CACNA2D1: variants seen among roughly 807,000 people sequenced by gnomAD.
The protein encoded by CACNA2D1 is voltage-dependent calcium channel subunit alpha-2/delta-1.
A neutral mutation model predicts 171.5 loss-of-function variants in CACNA2D1; 53 were observed. That is an observed-to-expected ratio of 0.31 (90% CI 0.25 to 0.39). CACNA2D1 has a LOEUF of 0.39. Among genes scored for constraint, CACNA2D1 ranks in the 10% least tolerant of loss-of-function variants. The pLI, the probability that CACNA2D1 is intolerant of heterozygous loss-of-function variation, is 1.00. For missense variants in CACNA2D1, 903 were observed against 1,299.8 expected (o/e 0.69, Z 4.69); for synonymous variants, 442 against 443.1 (o/e 1.00, Z 0.03).
At chr7:82,425,508 T>C (rs1829090926) in intron 1 of CACNA2D1, among the ~76,000 whole-genome samples, 3 of 151,596 alleles carry the variant, frequency 2.0e-5, no homozygotes, top group African/African-American at 7.3e-5. Flanking sequence ...AATAAATAAA[T>C]TTACATTACC....
rs139258325 is a variant in CACNA2D1 at position 82,156,607 on chromosome 7, C to A, written c.354+13943G>T. 1.6e-3 allele frequency among the ~76,000 whole-genome samples: 241 copies of A among 150,572 alleles called. 3 individuals are homozygous for A. Among genetic ancestry groups the A allele is most frequent in the African/African-American group, 5.5e-3 (227 of 41,044 alleles). ...ATCTTTAAAAGTATATAAATAAGAA[C>A]TATAATTTTAGTATAATAGTAAATA... On this transcript the variant is annotated intron_variant, in intron 4 of 38. Transcript: ENST00000356860.
chr7:82,107,360 G>A (rs1195717010), intron 6 of CACNA2D1, among the ~76,000 whole-genome samples: 1 of 151,998 alleles, frequency 6.6e-6, no homozygotes, highest in East Asian at 1.9e-4. Flanking sequence ...TAGCTACAAG[G>A]CCCGCCATCT....
At chr7:82,147,132 T>C (rs1385616310) in intron 4 of CACNA2D1, among the ~76,000 whole-genome samples, 1 of 149,938 alleles carries the variant, frequency 6.7e-6, no homozygotes, top group African/African-American at 2.5e-5. Context: ...CTCGAATAAG[T>C]TAAAAGGTAG....
rs185672887 is a variant in CACNA2D1 at position 82,226,588 on chromosome 7, G to A, written c.295-55979C>T. The stretch of plus-strand genomic sequence containing the variant: ...ATTGAGCCACAGAACCATTGGTGTC[G>A]GCCTCCTGAGTACAGAAGAGGAGGG... On this transcript the variant is annotated intron_variant, in intron 3 of 38. Transcript: ENST00000356860. 4.3e-4 allele frequency among the ~76,000 whole-genome samples: 66 copies of A among 152,146 alleles called. 1 individual carries two copies. The highest frequency in any genetic ancestry group is 3.2e-3 in the Admixed American group (49 of 15,260).
intron 20 of CACNA2D1, 48 bp from the exon 21 acceptor site, chr7:81,991,294 A>T: frequency 1.1e-6 from 1 of 928,416 alleles, no homozygotes. Flanking sequence ...TTTTGTATGA[A>T]TATATACGAA....
At chr7:81,954,595 C>A (rs1345542679) in intron 38 of CACNA2D1, among the ~76,000 whole-genome samples, 2 of 152,024 alleles carry the variant, frequency 1.3e-5, no homozygotes, top group South Asian at 4.1e-4. Flanking sequence ...TAATTGCATA[C>A]AGTACAAGCT....
At chr7:82,264,652 A>G (rs1807583104) in intron 3 of CACNA2D1, among the ~76,000 whole-genome samples, 1 of 152,214 alleles carries the variant, frequency 6.6e-6, no homozygotes, top group South Asian at 2.1e-4. Context: ...AAGGAAAAGA[A>G]TGGGCCAGGG....
chr7:82,007,433 C>CT (rs977470945), intron 16 of CACNA2D1, among the ~76,000 whole-genome samples: 68 of 152,248 alleles, frequency 4.5e-4, no homozygotes, highest in African/African-American at 1.6e-3. Flanking sequence ...GAGTCTGACT[C>CT]TGTGTTCTCA....
chr7:81,974,620 G>T, intron 24 of CACNA2D1, 68 bp from the exon 25 acceptor site: 2 of 780,930 alleles, frequency 2.6e-6, no homozygotes. Context: ...TAAAGGTAGT[G>T]AAAACACTAT....
intron 1 of CACNA2D1, among the ~76,000 whole-genome samples, chr7:82,400,183 G>A (rs1356053805): frequency 2.0e-5 from 3 of 150,844 alleles, no homozygotes; most frequent in South Asian, 2.1e-4. Flanking sequence ...TTGGCGATGC[G>A]GGCTCTTTTT....
chr7:82,012,027 C>T (rs1344718633), intron 15 of CACNA2D1, 127 bp downstream of exon 15: 6 of 705,934 alleles, frequency 8.5e-6, no homozygotes, highest in Non-Finnish European at 1.3e-5. Context: ...GGAAAGAAGT[C>T]TGTGATAGAA....
At chr7:82,243,979 G>C (rs1207176191) in intron 3 of CACNA2D1, among the ~76,000 whole-genome samples, 1 of 152,096 alleles carries the variant, frequency 6.6e-6, no homozygotes, top group Non-Finnish European at 1.5e-5. Context: ...TTTCTGGGCT[G>C]AGCTCACTCT....
intron 3 of CACNA2D1, among the ~76,000 whole-genome samples, chr7:82,252,736 A>C (rs1585227809): frequency 6.6e-6 from 1 of 152,092 alleles, no homozygotes; most frequent in East Asian, 1.9e-4. Context: ...CTAAAAATAC[A>C]AAAATTAGCT....
intron 2 of CACNA2D1, among the ~76,000 whole-genome samples, chr7:82,345,272 T>G (rs946901353): frequency 4.6e-5 from 7 of 152,218 alleles, no homozygotes; most frequent in African/African-American, 1.7e-4. Context: ...ACACATTTCA[T>G]ATTTACATCT....
At chr7:82,368,750 C>T (rs1019700861) in intron 1 of CACNA2D1, among the ~76,000 whole-genome samples, 1 of 152,258 alleles carries the variant, frequency 6.6e-6, no homozygotes, top group East Asian at 1.9e-4. Context: ...TTTCCAGATA[C>T]ATCACAGTCA....
At chr7:82,079,496 A>G (rs1809422002) in intron 7 of CACNA2D1, among the ~76,000 whole-genome samples, 1 of 152,074 alleles carries the variant, frequency 6.6e-6, no homozygotes, top group Admixed American at 6.5e-5. Context: ...CTTCGAGACC[A>G]GCCTTGCCAA....
At chr7:82,150,142 C>A (rs189046021) in intron 4 of CACNA2D1, among the ~76,000 whole-genome samples, 2 of 151,688 alleles carry the variant, frequency 1.3e-5, no homozygotes, top group African/African-American at 4.8e-5. Flanking sequence ...TGTGGCTTCC[C>A]GAGGCTTTGG....
intron 3 of CACNA2D1, among the ~76,000 whole-genome samples, chr7:82,200,986 CAG>C (rs1799367576): frequency 6.6e-6 from 1 of 152,124 alleles, no homozygotes; most frequent in Non-Finnish European, 1.5e-5. Context: ...CCTAATAAAA[CAG>C]AGTTTTAAAA....
intron 7 of CACNA2D1, among the ~76,000 whole-genome samples, chr7:82,075,983 A>G (rs2128998817): frequency 6.6e-6 from 1 of 152,258 alleles, no homozygotes; most frequent in South Asian, 2.1e-4. Flanking sequence ...CCCCATTCAA[A>G]TTACAAATGG....
Sources: gnomAD v4.1 joint callset for allele counts (sites outside exome capture counted in the v4.1 genomes callset) on GRCh38, gnomAD v4.1.1 for gene constraint, MANE v1.5 for transcripts, NCBI Gene and HGNC (gene_info 2026-07-23, HGNC 2026-07-21) for gene names.